The following GUCY1A2 variants were observed in gnomAD, a reference collection of about 807,000 sequenced individuals.
GUCY1A2 encodes the protein guanylate cyclase soluble subunit alpha-2.
Under a neutral mutation model 63.5 loss-of-function variants are expected in GUCY1A2, and 27 were observed. The ratio of observed to expected loss-of-function variants is 0.43; its 90% confidence interval spans 0.31 to 0.59. GUCY1A2 has a LOEUF of 0.59. Ranked by LOEUF, GUCY1A2 falls within the 20% of genes least tolerant of loss-of-function variation. The pLI, the probability that GUCY1A2 is intolerant of heterozygous loss-of-function variation, is 0.11. For synonymous variants in GUCY1A2, 364 were observed against 343.5 expected (o/e 1.06, Z -0.66); for missense variants, 768 against 913.3 (o/e 0.84, Z 2.05).
At chr11:106,763,365 A>T (rs1251924434) in intron 6 of GUCY1A2, among the ~76,000 whole-genome samples, 1 of 152,042 alleles carries the variant, frequency 6.6e-6, no homozygotes, top group African/African-American at 2.4e-5. Flanking sequence ...GGGTGAGACC[A>T]ATTCAAAAAG....
chr11:107,015,046 C>T lies in GUCY1A2; in HGVS notation c.303+2707G>A, dbSNP rs77329182. Among the ~76,000 whole-genome samples the T allele has an allele frequency of 5.7e-3, 864 of 152,174 alleles. 10 individuals carry two copies. Among genetic ancestry groups the T allele is most frequent in the African/African-American group, 0.02 (816 of 41,498 alleles). On this transcript the variant is annotated intron_variant, in intron 1 of 7. Transcript: ENST00000526355. ...TTTTTGAGCTAGTGTTCTAACTTGC[C>T]AAATAAAATAAGGTAAGGACTGCCC...
intron 1 of GUCY1A2, among the ~76,000 whole-genome samples, chr11:106,988,843 A>C (rs1237244544): frequency 6.6e-6 from 1 of 152,184 alleles, no homozygotes; most frequent in Non-Finnish European, 1.5e-5. Flanking sequence ...TCCAGTTTTC[A>C]GAGTGTGTCT....
chr11:106,768,303 C>T (rs1177694432), intron 6 of GUCY1A2, among the ~76,000 whole-genome samples: 1 of 151,836 alleles, frequency 6.6e-6, no homozygotes, highest in Non-Finnish European at 1.5e-5. Flanking sequence ...TAGAATGTCT[C>T]TTACTTTCTA....
chr11:106,781,938 C>T (rs1357687680), intron 5 of GUCY1A2, among the ~76,000 whole-genome samples: 1 of 152,164 alleles, frequency 6.6e-6, no homozygotes, highest in Non-Finnish European at 1.5e-5. Context: ...AATTAAATTT[C>T]ATTCCCATAA....
In GUCY1A2 at chr11:106,916,857, A is replaced by C. The variant is rs1466658493; in HGVS notation, c.1206+22603T>G. Among the ~76,000 whole-genome samples, 4 of 145,776 alleles carry C rather than the reference A, an allele frequency of 2.7e-5. 1 individual carries two copies. The highest frequency in any genetic ancestry group is 6.2e-5 in the Non-Finnish European group (4 of 64,938). ...ATTTATAAACACTTGCAGAAATAAA[A>C]CATTATCATGATATAAAAAATTAGA... On this transcript the variant is annotated intron_variant, in intron 4 of 7. Coordinates refer to ENST00000526355, the MANE Select transcript of GUCY1A2 (RefSeq NM_000855.3).
At chr11:106,846,788 A>G (rs1859279346) in intron 4 of GUCY1A2, among the ~76,000 whole-genome samples, 1 of 151,640 alleles carries the variant, frequency 6.6e-6, no homozygotes, top group Non-Finnish European at 1.5e-5. Context: ...AATGAAATAG[A>G]AAATTATTCA....
intron 7 of GUCY1A2, among the ~76,000 whole-genome samples, chr11:106,706,150 A>T (rs1014316809): frequency 6.6e-6 from 1 of 152,248 alleles, no homozygotes; most frequent in Non-Finnish European, 1.5e-5. Context: ...TTATCATAAT[A>T]TCAAAACAGT....
At chr11:106,853,176 A>G (rs1859379157) in intron 4 of GUCY1A2, among the ~76,000 whole-genome samples, 2 of 152,156 alleles carry the variant, frequency 1.3e-5, no homozygotes, top group South Asian at 2.1e-4. Context: ...GGATGTCTAT[A>G]TCTTCCAAAA....
chr11:106,968,421 T>C (rs1282205170), intron 3 of GUCY1A2, among the ~76,000 whole-genome samples: 1 of 152,188 alleles, frequency 6.6e-6, no homozygotes, highest in Non-Finnish European at 1.5e-5. Context: ...AATGTATAAA[T>C]ATCAAAATTA....
At chr11:106,948,434 A>G (rs1015838398) in intron 3 of GUCY1A2, among the ~76,000 whole-genome samples, 1 of 152,132 alleles carries the variant, frequency 6.6e-6, no homozygotes, top group Non-Finnish European at 1.5e-5. Context: ...TAAACAAAAT[A>G]TGATCATATC....
intron 3 of GUCY1A2, among the ~76,000 whole-genome samples, chr11:106,977,798 A>G (rs1220760791): frequency 1.3e-5 from 2 of 152,188 alleles, no homozygotes; most frequent in Non-Finnish European, 2.9e-5. Flanking sequence ...ACTAAGATTT[A>G]TTATTCCCCA....
rs182253684 is a variant in GUCY1A2, at chr11:106,764,664, A to G, written c.1836+11775T>C. Among the ~76,000 whole-genome samples, 163 of 152,224 alleles carry G rather than the reference A, an allele frequency of 1.1e-3. 1 individual carries two copies. The highest frequency in any genetic ancestry group is 3.8e-3 in the African/African-American group (157 of 41,570). On this transcript the variant is annotated intron_variant, in intron 6 of 7. Coordinates refer to ENST00000526355, the MANE Select transcript of GUCY1A2 (RefSeq NM_000855.3). ...CATATATATTAGGAAGGGAGAGGAC[A>G]TGTAAGAGAGAGAGTGCTCACGCAC...
chr11:106,862,065 C>A (rs1417840038), intron 4 of GUCY1A2, among the ~76,000 whole-genome samples: 1 of 152,012 alleles, frequency 6.6e-6, no homozygotes, highest in East Asian at 1.9e-4. Context: ...TTCGTCAACA[C>A]AGATGACCTT....
chr11:106,865,509 A>T (rs1341712760), intron 4 of GUCY1A2, among the ~76,000 whole-genome samples: 3 of 152,052 alleles, frequency 2.0e-5, no homozygotes, highest in Non-Finnish European at 4.4e-5. Context: ...AGGGACATGG[A>T]TGAAGCTGGA....
At chr11:106,693,522 A>T (rs1299625154) in intron 7 of GUCY1A2, among the ~76,000 whole-genome samples, 1 of 152,116 alleles carries the variant, frequency 6.6e-6, no homozygotes, top group African/African-American at 2.4e-5. Context: ...GACGTAGCAA[A>T]CTATGTCTTT....
intron 4 of GUCY1A2, among the ~76,000 whole-genome samples, chr11:106,851,126 T>A (rs987486469): frequency 6.6e-6 from 1 of 151,996 alleles, no homozygotes; most frequent in Non-Finnish European, 1.5e-5. Context: ...TTCTTGGCCA[T>A]TTGTATGTCT....
intron 4 of GUCY1A2, among the ~76,000 whole-genome samples, chr11:106,838,440 G>C (rs1328560970): frequency 6.6e-6 from 1 of 151,972 alleles, no homozygotes; most frequent in Non-Finnish European, 1.5e-5. Flanking sequence ...TGTAATTTCA[G>C]AGGGATCAAA....
At chr11:106,914,000 A>AAAAAG in intron 4 of GUCY1A2, among the ~76,000 whole-genome samples, 1 of 148,090 alleles carries the variant, frequency 6.8e-6, no homozygotes, top group African/African-American at 2.6e-5. Flanking sequence ...AAAAAAAAAA[A>AAAAAG]AAAGAAAGAA....
intron 1 of GUCY1A2, among the ~76,000 whole-genome samples, chr11:106,993,685 A>T (rs1861500165): frequency 6.6e-6 from 1 of 152,148 alleles, no homozygotes; most frequent in African/African-American, 2.4e-5. Flanking sequence ...AAAAGCCTCA[A>T]TTTTCCCATC....
Sources: gnomAD v4.1 joint callset for allele counts (sites outside exome capture counted in the v4.1 genomes callset) on GRCh38, gnomAD v4.1.1 for gene constraint, MANE v1.5 for transcripts, NCBI Gene and HGNC (gene_info 2026-07-23, HGNC 2026-07-21) for gene names.